Variants in PKNOX2 observed in about 807,000 individuals in gnomAD.
The protein encoded by PKNOX2 is PBX/knotted 1 homeobox 2.
A neutral mutation model predicts 53.1 loss-of-function variants in PKNOX2; 14 were observed. The ratio of observed to expected loss-of-function variants is 0.26; its 90% CI spans 0.17 to 0.41. The LOEUF (loss-of-function observed/expected upper bound fraction) is 0.41. Ranked by LOEUF, PKNOX2 falls within the 10% of genes least tolerant of loss-of-function variation. The pLI is 1.00. For missense variants in PKNOX2, 496 were observed against 602.8 expected (o/e 0.82, Z 1.85); for synonymous variants, 257 against 242.8 (o/e 1.06, Z -0.54).
intron 3 of PKNOX2, among the ~76,000 whole-genome samples, chr11:125,345,288 CACA>C (rs1378422469): frequency 6.6e-6 from 1 of 152,216 alleles, no homozygotes; most frequent in Non-Finnish European, 1.5e-5. Flanking sequence ...AACATTTCAA[CACA>C]ACAACTGATT....
chr11:125,269,948 G>A (rs539955642), intron 2 of PKNOX2, among the ~76,000 whole-genome samples: 3 of 152,316 alleles, frequency 2.0e-5, no homozygotes, highest in South Asian at 2.1e-4. Flanking sequence ...TGCCTCATAT[G>A]TGCCAGGTGT....
chr11:125,260,946 T>C (rs888222816), intron 2 of PKNOX2, among the ~76,000 whole-genome samples: 5 of 152,128 alleles, frequency 3.3e-5, no homozygotes, highest in Non-Finnish European at 5.9e-5. Context: ...CTTTGCTACT[T>C]TCTGCTGTGT....
intron 2 of PKNOX2, among the ~76,000 whole-genome samples, chr11:125,245,339 C>T (rs1337276908): frequency 6.6e-6 from 1 of 152,244 alleles, no homozygotes; most frequent in Non-Finnish European, 1.5e-5. Context: ...GGTCACCCTC[C>T]ACCAGCCCTC....
chr11:125,361,802 G>C (rs1374330541), intron 4 of PKNOX2, among the ~76,000 whole-genome samples: 18 of 152,214 alleles, frequency 1.2e-4, no homozygotes, highest in Admixed American at 6.5e-5. Flanking sequence ...AGTCTGAAGG[G>C]AAGTTGGCAG....
intron 3 of PKNOX2, among the ~76,000 whole-genome samples, chr11:125,340,348 C>T (rs534580467): frequency 6.6e-6 from 1 of 152,318 alleles, no homozygotes; most frequent in South Asian, 2.1e-4. Flanking sequence ...TATAATCAGC[C>T]TCACCTTTTC....
chr11:125,341,628 C>T (rs948714322), intron 3 of PKNOX2, among the ~76,000 whole-genome samples: 2 of 152,178 alleles, frequency 1.3e-5, no homozygotes. Context: ...CCTTGATTTC[C>T]CACGTGTAGT....
chr11:125,207,412 T>C (rs974841998), intron 1 of PKNOX2, among the ~76,000 whole-genome samples: 2 of 151,718 alleles, frequency 1.3e-5, no homozygotes, highest in African/African-American at 4.8e-5. Context: ...GTGTATAAGC[T>C]CTCCCAGGGA....
chr11:125,251,605 T>G (rs1218490288), intron 2 of PKNOX2, among the ~76,000 whole-genome samples: 1 of 109,198 alleles, frequency 9.2e-6, no homozygotes, highest in African/African-American at 3.6e-5. Context: ...CTCTGGGAGC[T>G]GAGATCTACA....
At chr11:125,413,780 C>T (rs970509877) in intron 10 of PKNOX2, among the ~76,000 whole-genome samples, 3 of 152,144 alleles carry the variant, frequency 2.0e-5, no homozygotes, top group African/African-American at 7.2e-5. Flanking sequence ...CTCCCACCCC[C>T]ATGCGTTTTT....
intron 4 of PKNOX2, among the ~76,000 whole-genome samples, chr11:125,356,034 C>A (rs569720961): frequency 7.3e-4 from 109 of 148,502 alleles, no homozygotes; most frequent in Non-Finnish European, 1.4e-3. Context: ...TCAGCACCCC[C>A]CCCCCCACAA....
Position 125,292,740 on chromosome 11 carries a change from G to T in PKNOX2, c.-129-39079G>T, listed in dbSNP as rs577632371. On this transcript the variant is annotated intron_variant, in intron 2 of 12. Transcript: ENST00000298282. ...TTTGCTGTTTATCGGGAACGTTGTA[G>T]TCCTAGAGAGAAGGCTGAGGTTTCC... is the stretch of plus-strand genomic sequence containing the variant. Among the ~76,000 whole-genome samples the T allele has an allele frequency of 1.8e-4, 27 of 152,272 alleles. No homozygotes were observed. In the South Asian group the frequency reaches 5.4e-3, roughly 30 times the overall value.
chr11:125,332,781 G>A (rs985310982), intron 3 of PKNOX2: 2 of 152,120 alleles, frequency 1.3e-5, no homozygotes, highest in Non-Finnish European at 2.9e-5. Flanking sequence ...TCCTCACAAA[G>A]CTGGTTTCCC....
At chr11:125,230,604 G>A (rs1320561138) in intron 1 of PKNOX2, among the ~76,000 whole-genome samples, 1 of 152,222 alleles carries the variant, frequency 6.6e-6, no homozygotes, top group South Asian at 2.1e-4. Context: ...GACTCTTAGT[G>A]TTCAAGAAGG....
intron 2 of PKNOX2, among the ~76,000 whole-genome samples, chr11:125,319,401 G>C (rs920562469): frequency 6.6e-6 from 1 of 152,200 alleles, no homozygotes; most frequent in Admixed American, 6.5e-5. Flanking sequence ...AGTACCTGCT[G>C]TTGGAAAAAT....
chr11:125,231,747 G>T (rs994798009), intron 1 of PKNOX2, among the ~76,000 whole-genome samples: 1 of 152,118 alleles, frequency 6.6e-6, no homozygotes, highest in Non-Finnish European at 1.5e-5. Context: ...TGTGGAGAGA[G>T]AGAGAAAATG....
intron 2 of PKNOX2, among the ~76,000 whole-genome samples, chr11:125,273,758 A>AG (rs760433183): frequency 9.9e-5 from 15 of 152,218 alleles, no homozygotes; most frequent in Non-Finnish European, 1.9e-4. Flanking sequence ...AGACCACGTC[A>AG]GGGGGATCCT....
rs1956709425 is a variant in PKNOX2 at position 125,431,672 on chromosome 11, C to T, written c.*280C>T. On this transcript the variant is annotated 3_prime_UTR_variant, in exon 13 of 13. Transcript: ENST00000298282. ...TGGAAAGACAGGAGTGAGATCTGGA[C>T]TCACCAAATCCCTGAGGATAGATGG... 3 of 463,914 alleles carry T rather than the reference C, an allele frequency of 6.5e-6. No homozygotes were observed. The highest frequency in any genetic ancestry group is 3.9e-5 in the African/African-American group (2 of 51,302). 28.7% of individuals were successfully genotyped at this position (463,914 alleles called of 1,614,324 possible).
At chr11:125,314,306 C>A (rs921108820) in intron 2 of PKNOX2, among the ~76,000 whole-genome samples, 17 of 151,934 alleles carry the variant, frequency 1.1e-4, no homozygotes, top group African/African-American at 3.9e-4. Flanking sequence ...CACTTGCTCG[C>A]AACGTCACCA....
At chr11:125,421,778 C>G (rs1319528205) in intron 10 of PKNOX2, among the ~76,000 whole-genome samples, 1 of 152,248 alleles carries the variant, frequency 6.6e-6, no homozygotes, top group East Asian at 1.9e-4. Context: ...AGCCACCAGG[C>G]TGCTTACGCC....
Sources: allele counts gnomAD v4.1 joint callset (sites outside exome capture counted in the v4.1 genomes callset), GRCh38; gene constraint gnomAD v4.1.1; transcripts MANE v1.5; gene names NCBI Gene and HGNC (gene_info 2026-07-23, HGNC 2026-07-21).